The following CLYBL variants were observed in gnomAD, a reference collection of about 807,000 sequenced individuals.
CLYBL encodes citramalyl-CoA lyase, mitochondrial.
CLYBL carries 31 observed loss-of-function variants against 38.9 expected under a neutral mutation model. The observed-to-expected ratio is 0.80, with a 90% CI of 0.60 to 1.08. CLYBL has a LOEUF of 1.08. CLYBL is among the 50% of genes least tolerant of loss of function. The probability of loss-of-function intolerance (pLI) is 0.00; values close to 1 mark genes in which losing one functional copy is unlikely to be tolerated. For missense variants in CLYBL, 434 were observed against 411.6 expected (o/e 1.05, Z -0.47); for synonymous variants, 171 against 158.6 (o/e 1.08, Z -0.59).
chr13:99,706,697 T>C (rs1254572492), intron 1 of CLYBL, among the ~76,000 whole-genome samples: 1 of 152,214 alleles, frequency 6.6e-6, no homozygotes, highest in Non-Finnish European at 1.5e-5. Context: ...TTACCTATTT[T>C]CCCTCCAGCA....
chr13:99,878,154 T>C, intron 7 of CLYBL, among the ~76,000 whole-genome samples: 1 of 152,354 alleles, frequency 6.6e-6, no homozygotes, highest in Middle Eastern at 3.4e-3. Context: ...TTATTAGATG[T>C]ACTTTTAACA....
intron 2 of CLYBL, among the ~76,000 whole-genome samples, chr13:99,777,284 C>CT (rs1193232427): frequency 6.6e-6 from 1 of 152,098 alleles, no homozygotes; most frequent in Non-Finnish European, 1.5e-5. Flanking sequence ...CATCAAATGC[C>CT]TTTTCAAAAT....
chr13:99,770,100 G>T lies in CLYBL; in HGVS notation c.63-2724G>T, dbSNP rs1182872076. Among the ~76,000 whole-genome samples the T allele has an allele frequency of 1.3e-4, 12 of 94,680 alleles. No homozygotes were observed. The East Asian group carries it at 2.7e-3, about 21-fold the overall frequency. 62.1% of individuals were successfully genotyped at this position (94,680 alleles called of 152,430 possible). On this transcript the variant is annotated intron_variant, in intron 1 of 8. Transcript: ENST00000339105. The stretch of plus-strand genomic sequence containing the variant: ...TCTTTCTTTTTTTTTTTTTTTTTGA[G>T]ATGGAGTCTCGCTCTTGTCGCCCAG...
intron 1 of CLYBL, among the ~76,000 whole-genome samples, chr13:99,651,984 G>A (rs1261192632): frequency 2.0e-5 from 3 of 152,190 alleles, no homozygotes; most frequent in Non-Finnish European, 2.9e-5. Context: ...ATCTGGCTTT[G>A]GCAAGAGGGG....
In CLYBL at chr13:99,706,609, A is replaced by G. The variant is rs541070845; in HGVS notation, c.63-66215A>G. On this transcript the variant is annotated intron_variant, in intron 1 of 8. Coordinates refer to ENST00000339105, the MANE Select transcript of CLYBL (RefSeq NM_206808.5). ...TTCTTGGGCATTCAGTCTAAATTCA[A>G]TAGTAAAGGGAAAATCACATATAGT... 1.3e-4 allele frequency among the ~76,000 whole-genome samples: 20 copies of G among 152,306 alleles called. 1 individual carries two copies. The highest frequency in any genetic ancestry group is 1.2e-3 in the South Asian group (6 of 4,828).
chr13:99,673,412 C>CA (rs34517548), intron 1 of CLYBL, among the ~76,000 whole-genome samples: 102,446 of 142,498 alleles, frequency 0.72, 36,574 homozygotes, highest in East Asian at 0.83. Flanking sequence ...GACTCCGTCT[C>CA]AAAAAAAAAA....
intron 1 of CLYBL, among the ~76,000 whole-genome samples, chr13:99,761,811 C>G (rs1383323123): frequency 6.6e-6 from 1 of 152,196 alleles, no homozygotes; most frequent in Admixed American, 6.5e-5. Flanking sequence ...TCCCTTTTCT[C>G]CACATCCTCA....
At chr13:99,629,389 C>T (rs1174711058) in intron 1 of CLYBL, among the ~76,000 whole-genome samples, 1 of 152,308 alleles carries the variant, frequency 6.6e-6, no homozygotes, top group African/African-American at 2.4e-5. Context: ...CCCATCTATC[C>T]GCCTTCCCCC....
At chr13:99,780,713 C>CTTTTTT (rs11300050) in intron 2 of CLYBL, among the ~76,000 whole-genome samples, 1 of 124,232 alleles carries the variant, frequency 8.0e-6, no homozygotes, top group Non-Finnish European at 1.7e-5. Flanking sequence ...AATCCATTGT[C>CTTTTTT]TTTTTTTTTT....
At chr13:99,718,075 C>T (rs745741784) in intron 1 of CLYBL, among the ~76,000 whole-genome samples, 39 of 149,362 alleles carry the variant, frequency 2.6e-4, no homozygotes, top group Middle Eastern at 3.7e-3. Context: ...GACAGGGTCT[C>T]CCTAAGTTGC....
intron 1 of CLYBL, among the ~76,000 whole-genome samples, chr13:99,655,177 G>A (rs901971774): frequency 8.6e-5 from 13 of 151,256 alleles, no homozygotes; most frequent in Admixed American, 4.0e-4. Flanking sequence ...CTAGGTTCAA[G>A]TGATTCTCCT....
chr13:99,746,558 C>A (rs1313189902), intron 1 of CLYBL, among the ~76,000 whole-genome samples: 2 of 152,096 alleles, frequency 1.3e-5, no homozygotes, highest in African/African-American at 4.8e-5. Context: ...CAACAGTGGG[C>A]ATTCTAACTA....
intron 1 of CLYBL, among the ~76,000 whole-genome samples, chr13:99,616,143 CTTTTTTTTT>C (rs34142988): frequency 2.4e-5 from 2 of 83,842 alleles, no homozygotes; most frequent in Non-Finnish European, 4.3e-5. Flanking sequence ...CCACGCCTGG[CTTTTTTTTT>C]TTTTTTTTTT....
chr13:99,765,586 CAGG>C (rs1056753901), intron 1 of CLYBL, among the ~76,000 whole-genome samples: 4 of 152,126 alleles, frequency 2.6e-5, no homozygotes, highest in African/African-American at 9.7e-5. Flanking sequence ...CTGTGTCACC[CAGG>C]CTGGAATGCA....
At chr13:99,798,611 A>T (rs1257888593) in intron 2 of CLYBL, among the ~76,000 whole-genome samples, 1 of 152,236 alleles carries the variant, frequency 6.6e-6, no homozygotes, top group Admixed American at 6.5e-5. Context: ...AACATCCATT[A>T]ATCTGTTTAA....
intron 6 of CLYBL, among the ~76,000 whole-genome samples, chr13:99,866,761 C>T (rs1044775152): frequency 6.6e-6 from 1 of 151,850 alleles, no homozygotes; most frequent in Non-Finnish European, 1.5e-5. Context: ...GGTTGATGGA[C>T]AGAAGAAAAA....
chr13:99,663,464 C>T (rs1004989872), intron 1 of CLYBL, among the ~76,000 whole-genome samples: 1 of 152,146 alleles, frequency 6.6e-6, no homozygotes, highest in African/African-American at 2.4e-5. Context: ...CCTCACATTC[C>T]ACTGCTGGTC....
chr13:99,858,040 C>T (rs1471001713), intron 2 of CLYBL, among the ~76,000 whole-genome samples: 2 of 152,138 alleles, frequency 1.3e-5, no homozygotes, highest in Non-Finnish European at 2.9e-5. Flanking sequence ...TCACCCTTTC[C>T]ATGCACTTCT....
intron 1 of CLYBL, among the ~76,000 whole-genome samples, chr13:99,668,018 A>G (rs942342296): frequency 6.6e-6 from 1 of 152,228 alleles, no homozygotes; most frequent in East Asian, 1.9e-4. Context: ...TCACACCTGT[A>G]ATTCCAGCAC....
Sources: allele counts gnomAD v4.1 joint callset (sites outside exome capture counted in the v4.1 genomes callset), GRCh38; gene constraint gnomAD v4.1.1; transcripts MANE v1.5; gene names NCBI Gene and HGNC (gene_info 2026-07-23, HGNC 2026-07-21).